THSD4: variants seen among roughly 807,000 people sequenced by gnomAD.
THSD4 encodes thrombospondin type-1 domain-containing protein 4.
THSD4 carries 69 observed loss-of-function variants against 119.0 expected under a neutral mutation model. The observed-to-expected ratio is 0.58, with a 90% CI of 0.48 to 0.71. The LOEUF is 0.71. Ranked by LOEUF, THSD4 falls within the 30% of genes least tolerant of loss-of-function variation. THSD4 has a pLI of 0.00. For synonymous variants in THSD4, 524 were observed against 540.4 expected (o/e 0.97, Z 0.42); for missense variants, 1,393 against 1,391.1 (o/e 1.00, Z -0.02).
At chr15:71,566,402 C>A (rs1158600924) in intron 7 of THSD4, among the ~76,000 whole-genome samples, 1 of 152,206 alleles carries the variant, frequency 6.6e-6, no homozygotes, top group Non-Finnish European at 1.5e-5. Flanking sequence ...ACTTACTGAG[C>A]ATCTACTTTG....
At chr15:71,475,158 A>T (rs1236106316) in intron 7 of THSD4, among the ~76,000 whole-genome samples, 1 of 152,202 alleles carries the variant, frequency 6.6e-6, no homozygotes, top group Non-Finnish European at 1.5e-5. Context: ...TAATCCCTTT[A>T]CGAAGCCAGC....
chr15:71,230,861 A>T (rs537605273), intron 4 of THSD4, among the ~76,000 whole-genome samples: 7 of 152,364 alleles, frequency 4.6e-5, no homozygotes, highest in African/African-American at 1.7e-4. Context: ...CTTTGTGCGA[A>T]TCCAAAAAGA....
At chr15:71,487,104 C>G (rs535586746) in intron 7 of THSD4, among the ~76,000 whole-genome samples, 1 of 152,324 alleles carries the variant, frequency 6.6e-6, no homozygotes, top group East Asian at 1.9e-4. Context: ...GGTTCTCACA[C>G]CACTGTAAGA....
intron 7 of THSD4, among the ~76,000 whole-genome samples, chr15:71,582,547 C>A (rs988364163): frequency 4.6e-5 from 7 of 152,062 alleles, no homozygotes; most frequent in Admixed American, 3.3e-4. Flanking sequence ...AGTGGACATC[C>A]TTGTCTTGTT....
intron 8 of THSD4, among the ~76,000 whole-genome samples, chr15:71,675,373 G>A (rs2051622636): frequency 6.6e-6 from 1 of 152,184 alleles, no homozygotes; most frequent in South Asian, 2.1e-4. Flanking sequence ...TAGTTTATCT[G>A]TTTACATGTC....
At chr15:71,566,717 GCCTCTTATCCCAGGGCCCC>G (rs1289298461) in intron 7 of THSD4, among the ~76,000 whole-genome samples, 1 of 151,624 alleles carries the variant, frequency 6.6e-6, no homozygotes, top group African/African-American at 2.4e-5. Flanking sequence ...TTATAAATTG[GCCTCTTATCCCAGGGCCCC>G]CCCTCTTTCC....
chr15:71,731,005 T>C, intron 9 of THSD4, 116 bp from the exon 10 acceptor site: 1 of 813,082 alleles, frequency 1.2e-6, no homozygotes, highest in South Asian at 1.6e-5. Context: ...TATTACTGGA[T>C]GCGTACTAGA....
chr15:71,700,830 T>A (rs1235035032), intron 8 of THSD4, among the ~76,000 whole-genome samples: 1 of 152,064 alleles, frequency 6.6e-6, no homozygotes, highest in African/African-American at 2.4e-5. Flanking sequence ...GGATAATAAT[T>A]ATTATTAAAA....
intron 3 of THSD4, among the ~76,000 whole-genome samples, chr15:71,211,791 G>C (rs1331649166): frequency 6.6e-6 from 1 of 152,132 alleles, no homozygotes; most frequent in East Asian, 1.9e-4. Context: ...TTTCTGCTTT[G>C]GTCTTCACAT....
At chr15:71,737,641 T>C (rs892030406) in intron 10 of THSD4, 91 bp from the exon 11 acceptor site, 19 of 1,460,686 alleles carry the variant, frequency 1.3e-5, no homozygotes, top group Non-Finnish European at 1.7e-5. Context: ...GATCTCATGC[T>C]ACACAGTCTC....
chr15:71,332,891 CATT>C (rs2045441792), intron 6 of THSD4, among the ~76,000 whole-genome samples: 1 of 38,030 alleles, frequency 2.6e-5, no homozygotes, highest in African/African-American at 7.4e-5. Flanking sequence ...GATTTTTTTA[CATT>C]TTTTTTTTTT....
At chr15:71,690,431 A>G (rs1464436118) in intron 8 of THSD4, among the ~76,000 whole-genome samples, 1 of 152,198 alleles carries the variant, frequency 6.6e-6, no homozygotes, top group African/African-American at 2.4e-5. Flanking sequence ...GCCAAGAGTC[A>G]GTATACATGC....
At chr15:71,590,206 C>A (rs1408357425) in intron 7 of THSD4, among the ~76,000 whole-genome samples, 1 of 138,600 alleles carries the variant, frequency 7.2e-6, no homozygotes, top group Non-Finnish European at 1.6e-5. Context: ...CATTCCCTAT[C>A]TTTGTCTGAA....
chr15:71,510,249 G>A (rs892615603), intron 7 of THSD4, among the ~76,000 whole-genome samples: 3 of 151,916 alleles, frequency 2.0e-5, no homozygotes, highest in Non-Finnish European at 2.9e-5. Flanking sequence ...CTTGGTACTC[G>A]GTAAATGTTT....
At chr15:71,226,923 G>T (rs1242500222) in intron 4 of THSD4, among the ~76,000 whole-genome samples, 1 of 152,098 alleles carries the variant, frequency 6.6e-6, no homozygotes, top group Non-Finnish European at 1.5e-5. Flanking sequence ...GGGAATTTTT[G>T]TGTGTTTTTT....
intron 7 of THSD4, among the ~76,000 whole-genome samples, chr15:71,521,038 C>T (rs115731117): frequency 4.9e-4 from 74 of 152,240 alleles, no homozygotes; most frequent in African/African-American, 1.7e-3. Context: ...GATCAACTAC[C>T]AGCATCAGAG....
intron 7 of THSD4, among the ~76,000 whole-genome samples, chr15:71,481,844 G>A (rs932977433): frequency 2.6e-5 from 4 of 152,136 alleles, no homozygotes; most frequent in African/African-American, 9.7e-5. Context: ...ATAAATACAT[G>A]TTTTGAGTGA....
intron 6 of THSD4, among the ~76,000 whole-genome samples, chr15:71,300,734 T>G (rs1160080229): frequency 6.6e-6 from 1 of 152,198 alleles, no homozygotes; most frequent in Non-Finnish European, 1.5e-5. Context: ...GTGAAATGTC[T>G]GGCAGGAGAA....
intron 7 of THSD4, among the ~76,000 whole-genome samples, chr15:71,490,256 C>T (rs973726058): frequency 6.6e-6 from 1 of 151,742 alleles, no homozygotes; most frequent in African/African-American, 2.4e-5. Flanking sequence ...GAAGTCTCAT[C>T]TCTACTAAAA....
Sources: allele counts gnomAD v4.1 joint callset (sites outside exome capture counted in the v4.1 genomes callset), GRCh38; gene constraint gnomAD v4.1.1; transcripts MANE v1.5; gene names NCBI Gene and HGNC (gene_info 2026-07-23, HGNC 2026-07-21).